The following RAD51B variants were observed in gnomAD, a reference collection of about 807,000 sequenced individuals.
RAD51B encodes DNA repair protein RAD51 homolog 2.
Under a neutral mutation model 42.2 loss-of-function variants are expected in RAD51B, and 38 were observed. That is an observed-to-expected ratio of 0.90 (90% CI 0.70 to 1.18). The LOEUF is 1.18. RAD51B is among the 50% of genes most tolerant of loss of function. The probability of loss-of-function intolerance (pLI) is 0.00; values close to 1 mark genes in which losing one functional copy is unlikely to be tolerated. For synonymous variants in RAD51B, 154 were observed against 145.2 expected, an observed-to-expected ratio of 1.06 and a Z score of -0.43; for missense variants, 373 against 400.7, an observed-to-expected ratio of 0.93 and a Z score of 0.59.
At chr14:68,672,361 A>G (rs1465552161) in intron 11 of RAD51B, among the ~76,000 whole-genome samples, 1 of 152,230 alleles carries the variant, frequency 6.6e-6, no homozygotes, top group East Asian at 1.9e-4. Flanking sequence ...TTGCCATTAC[A>G]CCAAAACTTC....
intron 9 of RAD51B, among the ~76,000 whole-genome samples, chr14:68,446,468 A>G (rs2753403): frequency 0.79 from 120,395 of 152,022 alleles, 47,867 homozygotes; most frequent in East Asian, 0.97. Flanking sequence ...GTCTAGTTAG[A>G]GCTGAGGGCT....
chr14:68,616,158 A>G (rs1469194451), downstream of RAD51B, among the ~76,000 whole-genome samples: 1 of 152,142 alleles, frequency 6.6e-6, no homozygotes, highest in African/African-American at 2.4e-5. Flanking sequence ...TTGCTTTAAT[A>G]TTTTAAAGAA....
intron 8 of RAD51B, among the ~76,000 whole-genome samples, chr14:68,388,579 T>G (rs891606350): frequency 3.9e-5 from 6 of 152,224 alleles, no homozygotes; most frequent in African/African-American, 1.4e-4. Flanking sequence ...TCCCTCATAA[T>G]TTCTACATGA....
intron 8 of RAD51B, among the ~76,000 whole-genome samples, chr14:68,388,403 A>C (rs983188181): frequency 6.6e-6 from 1 of 152,064 alleles, no homozygotes; most frequent in South Asian, 2.1e-4. Context: ...CAGCCTGGAC[A>C]GTGTTGTTCT....
At chr14:68,351,778 A>G (rs1305220719) in intron 8 of RAD51B, among the ~76,000 whole-genome samples, 1 of 152,198 alleles carries the variant, frequency 6.6e-6, no homozygotes, top group Non-Finnish European at 1.5e-5. Context: ...TCTTTATTCT[A>G]AGAGCAAAGA....
intron 9 of RAD51B, among the ~76,000 whole-genome samples, chr14:68,454,053 A>C (rs1160811999): frequency 1.3e-5 from 2 of 152,256 alleles, no homozygotes; most frequent in Admixed American, 6.5e-5. Flanking sequence ...CCTGGAAATT[A>C]ATAATATAAT....
chr14:67,848,968 T>C (rs968891121), intron 4 of RAD51B, among the ~76,000 whole-genome samples: 4 of 152,204 alleles, frequency 2.6e-5, no homozygotes, highest in African/African-American at 9.7e-5. Flanking sequence ...CCTGATGGGG[T>C]TCCTTCTGTC....
intron 8 of RAD51B, among the ~76,000 whole-genome samples, chr14:68,388,501 A>C (rs2083659343): frequency 6.6e-6 from 1 of 152,180 alleles, no homozygotes; most frequent in Non-Finnish European, 1.5e-5. Context: ...CTGAAGGGAC[A>C]ATCAGAGACA....
chr14:68,148,805 G>C (rs925611270), intron 7 of RAD51B, among the ~76,000 whole-genome samples: 1 of 152,194 alleles, frequency 6.6e-6, no homozygotes, highest in African/African-American at 2.4e-5. Flanking sequence ...CTTTGCATTA[G>C]ATGATTTTGT....
At chr14:68,256,484 C>G (rs2080756245) in intron 7 of RAD51B, among the ~76,000 whole-genome samples, 1 of 152,100 alleles carries the variant, frequency 6.6e-6, no homozygotes, top group Non-Finnish European at 1.5e-5. Flanking sequence ...GCTTTTAGGT[C>G]CTTCCATGAT....
At chr14:68,080,604 A>C (rs1485508961) in intron 7 of RAD51B, among the ~76,000 whole-genome samples, 2 of 152,202 alleles carry the variant, frequency 1.3e-5, no homozygotes, top group Admixed American at 6.5e-5. Flanking sequence ...TGGTCTGCTC[A>C]GATGCCTTCT....
chr14:68,594,585 T>C (rs1890909877), exon 11 of RAD51B: 1 of 1,296,556 alleles, frequency 7.7e-7, no homozygotes. Flanking sequence ...TGTGCCACCA[T>C]ACCCAGCTAA....
At chr14:68,462,892 A>G (rs1173587859) in intron 9 of RAD51B, among the ~76,000 whole-genome samples, 1 of 152,210 alleles carries the variant, frequency 6.6e-6, no homozygotes, top group Non-Finnish European at 1.5e-5. Flanking sequence ...TGAGCCACAT[A>G]TATCTACACT....
intron 8 of RAD51B, among the ~76,000 whole-genome samples, chr14:68,392,873 C>T (rs765174654): frequency 2.0e-5 from 3 of 152,190 alleles, no homozygotes; most frequent in Non-Finnish European, 4.4e-5. Context: ...ACACAGCCCA[C>T]GCCGAGAAAA....
intron 7 of RAD51B, among the ~76,000 whole-genome samples, chr14:67,942,815 G>T (rs2045255229): frequency 6.6e-6 from 1 of 152,166 alleles, no homozygotes; most frequent in African/African-American, 2.4e-5. Flanking sequence ...ATAAAGTTCA[G>T]TGACTTAAAA....
At chr14:68,248,121 C>T (rs2080539285) in intron 7 of RAD51B, among the ~76,000 whole-genome samples, 1 of 152,218 alleles carries the variant, frequency 6.6e-6, no homozygotes, top group Non-Finnish European at 1.5e-5. Flanking sequence ...GCCCATAGCT[C>T]ATTTTATTAC....
At chr14:68,313,707 G>A (rs1368577554) in intron 8 of RAD51B, among the ~76,000 whole-genome samples, 1 of 152,170 alleles carries the variant, frequency 6.6e-6, no homozygotes, top group Non-Finnish European at 1.5e-5. Context: ...TGCAAACAAA[G>A]GAATCCTTCA....
At chr14:68,223,823 AACC>A (rs745449758) in intron 7 of RAD51B, among the ~76,000 whole-genome samples, 14 of 152,206 alleles carry the variant, frequency 9.2e-5, no homozygotes, top group Non-Finnish European at 1.8e-4. Flanking sequence ...AACAACAAAT[AACC>A]CCTGAGCCCT....
intron 7 of RAD51B, among the ~76,000 whole-genome samples, chr14:68,068,485 A>T (rs1305871637): frequency 6.6e-6 from 1 of 152,172 alleles, no homozygotes; most frequent in African/African-American, 2.4e-5. Flanking sequence ...CACAATATGG[A>T]TATACCACAT....
Sources: gnomAD v4.1 joint callset for allele counts (sites outside exome capture counted in the v4.1 genomes callset) on GRCh38, gnomAD v4.1.1 for gene constraint, MANE v1.5 for transcripts, NCBI Gene and HGNC (gene_info 2026-07-23, HGNC 2026-07-21) for gene names.